The following NEK10 variants were observed in gnomAD, a reference collection of about 807,000 sequenced individuals.
NEK10 encodes the protein serine/threonine-protein kinase Nek10.
A neutral mutation model predicts 159.8 loss-of-function variants in NEK10; 122 were observed. The ratio of observed to expected loss-of-function variants is 0.76; its 90% CI spans 0.66 to 0.89. The LOEUF is 0.89. Ranked by LOEUF, NEK10 falls within the 40% of genes least tolerant of loss-of-function variation. NEK10 has a pLI of 0.00. For missense variants in NEK10, 1,342 were observed against 1,323.1 expected, an observed-to-expected ratio of 1.01 and a Z score of -0.22; for synonymous variants, 466 against 457.1, an observed-to-expected ratio of 1.02 and a Z score of -0.25.
intron 15 of NEK10, among the ~76,000 whole-genome samples, chr3:27,294,827 A>T (rs533921574): frequency 1.3e-3 from 194 of 152,242 alleles, no homozygotes; most frequent in African/African-American, 4.6e-3. Flanking sequence ...TCAGATTTTG[A>T]CATTAGGGCC....
intron 33 of NEK10, among the ~76,000 whole-genome samples, chr3:27,116,802 A>AT (rs548439091): frequency 1.5e-4 from 22 of 147,892 alleles, no homozygotes; most frequent in South Asian, 4.3e-4. Flanking sequence ...GGCTGGCCAG[A>AT]TTTTTTTTTT....
intron 25 of NEK10, among the ~76,000 whole-genome samples, chr3:27,199,805 G>C (rs1415570028): frequency 6.6e-6 from 1 of 152,138 alleles, no homozygotes; most frequent in Non-Finnish European, 1.5e-5. Context: ...CATGTCTTTT[G>C]TAGGAACATG....
chr3:27,178,504 T>G (rs912190492), intron 26 of NEK10, among the ~76,000 whole-genome samples: 1 of 152,230 alleles, frequency 6.6e-6, no homozygotes, highest in African/African-American at 2.4e-5. Context: ...ATCTGTTTTG[T>G]TAATAAACTG....
rs1171964593 is a variant in NEK10 at position 27,109,002 on chromosome 3, T to G, written c.*2270A>C. Among the ~76,000 whole-genome samples, 1 of 152,226 alleles carries G rather than the reference T, an allele frequency of 6.6e-6. No individual in the cohort carries two copies. Among genetic ancestry groups the G allele is most frequent in the Non-Finnish European group, 1.5e-5 (1 of 68,036 alleles). On this transcript the variant is annotated 3_prime_UTR_variant, in exon 36 of 36. Transcript: ENST00000691995. The stretch of plus-strand genomic sequence containing the variant: ...CACATAGAGTTGATAGGCCTGAAGC[T>G]GTTGTTAAAAAGGACAGCTTCTGCT...
chr3:27,308,547 T>G (rs1274429196), intron 10 of NEK10, among the ~76,000 whole-genome samples: 1 of 152,114 alleles, frequency 6.6e-6, no homozygotes, highest in Non-Finnish European at 1.5e-5. Flanking sequence ...TCTTGAAAAT[T>G]TTTCAAAGCC....
At position 27,155,508 on chromosome 3, in the gene NEK10, TAAATAAAATAAAATA is replaced by T. The variant is rs60254232; in HGVS notation, c.2869+7178_2869+7192del. On this transcript the variant is annotated intron_variant, in intron 30 of 35. Coordinates refer to ENST00000691995, the MANE Select transcript of NEK10 (RefSeq NM_001394966.1). Reference sequence around the variant, plus strand: ...AGAGTGAGACTCCATCTCAAAAAAATAAATAAAATAAAATAAAATAAAATAAAATAAAATAAAATA... The same window carrying T: ...AGAGTGAGACTCCATCTCAAAAAAATAAATAAAATAAAATAAAATAAAATA... 5.6e-3 allele frequency among the ~76,000 whole-genome samples: 754 copies of T among 134,326 alleles called. 6 individuals carry two copies. Among genetic ancestry groups the T allele is most frequent in the African/African-American group, 0.018 (640 of 36,072 alleles). 88.1% of individuals were successfully genotyped at this position (134,326 alleles called of 152,430 possible).
At chr3:27,322,053 G>T in intron 6 of NEK10, 124 bp downstream of exon 6, 1 of 579,772 alleles carries the variant, frequency 1.7e-6, no homozygotes. Flanking sequence ...CCCATATATG[G>T]AAGCTATTGA....
intron 22 of NEK10, among the ~76,000 whole-genome samples, chr3:27,262,105 G>A (rs2040466424): frequency 6.6e-6 from 1 of 151,900 alleles, no homozygotes; most frequent in East Asian, 1.9e-4. Flanking sequence ...TTTATTTTGA[G>A]CCTATGAAAT....
intron 22 of NEK10, among the ~76,000 whole-genome samples, chr3:27,273,011 C>T (rs1158123635): frequency 1.3e-5 from 2 of 150,276 alleles, no homozygotes; most frequent in African/African-American, 2.4e-5. Flanking sequence ...GGAAAAGCCT[C>T]TGTGACAAAT....
intron 1 of NEK10, among the ~76,000 whole-genome samples, chr3:27,365,609 T>G (rs1191762304): frequency 5.3e-5 from 4 of 75,826 alleles, no homozygotes; most frequent in Admixed American, 1.9e-4. Context: ...TTTTTTTTTG[T>G]GTTTTTTTTT....
chr3:27,255,061 T>C (rs1428310621), intron 23 of NEK10: 1 of 163,642 alleles, frequency 6.1e-6, no homozygotes, highest in Non-Finnish European at 1.4e-5. Context: ...GTTTTAATTG[T>C]TCTGCAATTT....
intron 23 of NEK10, among the ~76,000 whole-genome samples, chr3:27,230,017 G>A (rs181610086): frequency 6.6e-6 from 1 of 152,124 alleles, no homozygotes; most frequent in Admixed American, 6.5e-5. Flanking sequence ...GAAGCTCGAA[G>A]AACTCCTGGG....
At chr3:27,162,952 C>G (rs1171606064) in intron 29 of NEK10, 7 of 233,028 alleles carry the variant, frequency 3.0e-5, no homozygotes, top group Non-Finnish European at 4.9e-5. Context: ...CGTCCCACCA[C>G]AGTTTTTAGG....
chr3:27,184,586 G>T (rs1012015656), intron 26 of NEK10, among the ~76,000 whole-genome samples: 1 of 152,160 alleles, frequency 6.6e-6, no homozygotes, highest in Non-Finnish European at 1.5e-5. Context: ...ATTGTAGTGT[G>T]GATGTGAGAA....
chr3:27,125,046 C>T (rs1941786470), intron 32 of NEK10, among the ~76,000 whole-genome samples: 1 of 152,072 alleles, frequency 6.6e-6, no homozygotes, highest in Non-Finnish European at 1.5e-5. Flanking sequence ...TCTGAATAGA[C>T]ACCTACAGTT....
At chr3:27,173,116 T>C (rs1160373508) in intron 28 of NEK10, among the ~76,000 whole-genome samples, 1 of 152,256 alleles carries the variant, frequency 6.6e-6, no homozygotes, top group African/African-American at 2.4e-5. Flanking sequence ...TAAAATATGT[T>C]ACAAATTGTT....
chr3:27,199,392 C>A (rs558300935), intron 25 of NEK10, among the ~76,000 whole-genome samples: 9 of 152,208 alleles, frequency 5.9e-5, no homozygotes, highest in African/African-American at 2.2e-4. Flanking sequence ...AAATGCAAAT[C>A]AAAATCACAA....
chr3:27,143,472 G>T, intron 30 of NEK10: 1 of 760,890 alleles, frequency 1.3e-6, no homozygotes, highest in African/African-American at 1.7e-5. Context: ...CCCATCTGTG[G>T]CCCTAAATAC....
intron 22 of NEK10, among the ~76,000 whole-genome samples, chr3:27,277,917 G>T (rs2041884867): frequency 6.6e-6 from 1 of 152,162 alleles, no homozygotes; most frequent in Non-Finnish European, 1.5e-5. Context: ...CAAGTACAGA[G>T]GAAGCTCCCT....
Sources: gnomAD v4.1 joint callset for allele counts (sites outside exome capture counted in the v4.1 genomes callset) on GRCh38, gnomAD v4.1.1 for gene constraint, MANE v1.5 for transcripts, NCBI Gene and HGNC (gene_info 2026-07-23, HGNC 2026-07-21) for gene names.